The following SLC22A15 variants were observed in gnomAD, a reference collection of about 807,000 sequenced individuals.
SLC22A15 encodes solute carrier family 22 member 15.
Under a neutral mutation model 62.7 loss-of-function variants are expected in SLC22A15, and 45 were observed. The observed-to-expected ratio is 0.72, with a 90% CI of 0.56 to 0.92. The LOEUF is 0.92. SLC22A15 is among the 40% of genes least tolerant of loss of function. SLC22A15 has a pLI of 0.00. For missense variants in SLC22A15, 622 were observed against 665.6 expected, an observed-to-expected ratio of 0.93 and a Z score of 0.72; for synonymous variants, 264 against 267.0, an observed-to-expected ratio of 0.99 and a Z score of 0.11.
chr1:116,062,717 T>C, intron 8 of SLC22A15, 45 bp from the exon 9 acceptor site: 1 of 1,611,376 alleles, frequency 6.2e-7, no homozygotes, highest in South Asian at 1.1e-5. Context: ...TTAGAGGAAT[T>C]GTTTCAACTG....
intron 1 of SLC22A15, among the ~76,000 whole-genome samples, chr1:115,984,661 G>A (rs867733083): frequency 1.8e-4 from 27 of 151,988 alleles, no homozygotes; most frequent in African/African-American, 5.3e-4. Context: ...CAGATTCTTC[G>A]GGAGACAGTC....
intron 2 of SLC22A15, among the ~76,000 whole-genome samples, chr1:116,015,903 T>C (rs906267584): frequency 2.0e-5 from 3 of 152,234 alleles, no homozygotes; most frequent in South Asian, 2.1e-4. Context: ...ATATCTCATA[T>C]TGATTTATTT....
intron 8 of SLC22A15, among the ~76,000 whole-genome samples, chr1:116,059,394 C>T (rs575322140): frequency 6.6e-6 from 1 of 152,038 alleles, no homozygotes; most frequent in Non-Finnish European, 1.5e-5. Context: ...TAATAATAGC[C>T]CCAAACTGGA....
intron 10 of SLC22A15, among the ~76,000 whole-genome samples, chr1:116,065,343 T>C (rs1156872742): frequency 2.0e-5 from 3 of 152,210 alleles, no homozygotes; most frequent in Non-Finnish European, 2.9e-5. Flanking sequence ...TGATTAATTT[T>C]AGTTCACAAG....
In SLC22A15 at chr1:116,009,134, A is replaced by G. The variant is rs987388128; in HGVS notation, c.301-10448A>G. 8.5e-5 allele frequency among the ~76,000 whole-genome samples: 13 copies of G among 152,322 alleles called. No individual in the cohort carries two copies. In the East Asian group the frequency reaches 2.3e-3, roughly 27 times the overall value. On this transcript the variant is annotated intron_variant, in intron 2 of 11. Coordinates refer to ENST00000369503, the MANE Select transcript of SLC22A15 (RefSeq NM_018420.3). ...TTCACTGTATTCTCAGAGCCCCGCA[A>G]CCACCTGCCCCAGTGACAACATTCA...
chr1:116,061,415 G>A lies in SLC22A15; in HGVS notation c.1172-1347G>A, dbSNP rs1331651283. 6.6e-5 allele frequency among the ~76,000 whole-genome samples: 10 copies of A among 152,132 alleles called. 1 individual carries two copies. In the South Asian group the frequency reaches 1.9e-3, roughly 28 times the overall value. The stretch of plus-strand genomic sequence containing the variant: ...CTTTGGCAGAAATGTCAAGGAGAAT[G>A]AGAGGCAATTACATTTGGTGATGAG... On this transcript the variant is annotated intron_variant, in intron 8 of 11. Coordinates refer to ENST00000369503, the MANE Select transcript of SLC22A15 (RefSeq NM_018420.3).
intron 2 of SLC22A15, chr1:116,017,348 G>A (rs1418368600): frequency 8.8e-6 from 1 of 113,942 alleles, no homozygotes; most frequent in Non-Finnish European, 1.6e-5. Context: ...TCCAGCCTGA[G>A]CAACAGAGTG....
intron 2 of SLC22A15, among the ~76,000 whole-genome samples, chr1:115,997,597 C>A (rs969426386): frequency 6.6e-6 from 1 of 152,002 alleles, no homozygotes; most frequent in Non-Finnish European, 1.5e-5. Flanking sequence ...ATTTCTCTTT[C>A]AGATTGTTCA....
chr1:116,019,661 T>C lies in SLC22A15; in HGVS notation c.380T>C (p.Ile127Thr), dbSNP rs1021137799. 5.0e-6 allele frequency: 8 copies of C among 1,613,634 alleles called. No homozygotes were observed. Among genetic ancestry groups the C allele is most frequent in the African/African-American group, 4.0e-5 (3 of 74,896 alleles). ...FFFSGVFVGV[I>T]SFGQLSDRFG... Reference sequence around the variant, plus strand: ...TTCAGTGGTGTATTTGTTGGAGTTATCTCTTTTGGTCAGCTTTCAGATCGC... The same window carrying C: ...TTCAGTGGTGTATTTGTTGGAGTTACCTCTTTTGGTCAGCTTTCAGATCGC... Residue 127 changes from isoleucine (I) to threonine (T), a missense_variant, in exon 3 of 12, where the codon ATC becomes ACC. Ile to Thr is a moderately conservative substitution (Grantham distance 89). Transcript: ENST00000369503.
chr1:116,002,751 C>T (rs1570712317), intron 2 of SLC22A15, among the ~76,000 whole-genome samples: 1 of 151,968 alleles, frequency 6.6e-6, no homozygotes, highest in Admixed American at 6.6e-5. Context: ...GGAATGGGTT[C>T]CCTTCTGTCC....
At chr1:116,003,983 T>C (rs755838955) in intron 2 of SLC22A15, among the ~76,000 whole-genome samples, 15 of 152,228 alleles carry the variant, frequency 9.9e-5, no homozygotes, top group Non-Finnish European at 2.1e-4. Context: ...CCAGATATTA[T>C]CAAGGAACTG....
intron 4 of SLC22A15, among the ~76,000 whole-genome samples, chr1:116,021,461 T>A (rs773822859): frequency 2.6e-5 from 4 of 152,246 alleles, no homozygotes; most frequent in Non-Finnish European, 5.9e-5. Context: ...TTTCAAATAT[T>A]GTCATAAGAG....
rs1245250486 is a variant in SLC22A15, at chr1:116,056,219, C to A, written c.1172-6543C>A. On this transcript the variant is annotated intron_variant, in intron 8 of 11. Transcript: ENST00000369503. Reference sequence around the variant, plus strand: ...CAACTTCAGCAAAGTCTCAGGATACCAAATCAAAGTACAAAAATCACAAGC... The same window carrying A: ...CAACTTCAGCAAAGTCTCAGGATACAAAATCAAAGTACAAAAATCACAAGC... 1.2e-4 allele frequency among the ~76,000 whole-genome samples: 18 copies of A among 152,156 alleles called. No homozygotes were observed. In the East Asian group the frequency reaches 2.1e-3, roughly 18 times the overall value.
intron 8 of SLC22A15, among the ~76,000 whole-genome samples, chr1:116,055,362 T>C (rs1570771833): frequency 1.3e-5 from 2 of 151,362 alleles, no homozygotes; most frequent in Admixed American, 6.6e-5. Flanking sequence ...CAGGAAGAAG[T>C]TGAATCTCTG....
intron 2 of SLC22A15, among the ~76,000 whole-genome samples, chr1:116,007,565 A>C (rs1180102444): frequency 6.6e-6 from 1 of 152,160 alleles, no homozygotes; most frequent in South Asian, 2.1e-4. Flanking sequence ...GTAAGAAGAT[A>C]AGTTTATATA....
intron 8 of SLC22A15, among the ~76,000 whole-genome samples, chr1:116,061,234 C>T (rs1205500655): frequency 6.6e-6 from 1 of 152,156 alleles, no homozygotes; most frequent in African/African-American, 2.4e-5. Context: ...GAAAAGTAAG[C>T]AGCCACAAGG....
chr1:116,062,209 C>T (rs1269412707), intron 8 of SLC22A15, among the ~76,000 whole-genome samples: 1 of 152,006 alleles, frequency 6.6e-6, no homozygotes, highest in East Asian at 1.9e-4. Context: ...GACTCTGTCT[C>T]AAAAAACAGA....
At chr1:116,018,892 T>G (rs951363857) in intron 2 of SLC22A15, among the ~76,000 whole-genome samples, 2 of 152,238 alleles carry the variant, frequency 1.3e-5, no homozygotes, top group Non-Finnish European at 2.9e-5. Flanking sequence ...TTAACAAATC[T>G]CTGGCTATTC....
intron 2 of SLC22A15, among the ~76,000 whole-genome samples, chr1:115,997,325 C>T (rs560842388): frequency 1.6e-4 from 25 of 151,992 alleles, no homozygotes; most frequent in Non-Finnish European, 3.1e-4. Flanking sequence ...TGATTTTTTT[C>T]TGTTTCTGTG....
Sources: allele counts gnomAD v4.1 joint callset (sites outside exome capture counted in the v4.1 genomes callset), GRCh38; gene constraint gnomAD v4.1.1; transcripts MANE v1.5; gene names NCBI Gene and HGNC (gene_info 2026-07-23, HGNC 2026-07-21).